RTTN: variants seen among roughly 807,000 people sequenced by gnomAD.
RTTN encodes rotatin.
A neutral mutation model predicts 269.2 loss-of-function variants in RTTN; 182 were observed. That is an observed-to-expected ratio of 0.68 (90% CI 0.60 to 0.76). The LOEUF (loss-of-function observed/expected upper bound fraction) is 0.76. RTTN is among the 30% of genes least tolerant of loss of function. RTTN has a pLI of 0.00. For missense variants in RTTN, 2,545 were observed against 2,608.6 expected (o/e 0.98, Z 0.53); for synonymous variants, 1,006 against 963.5 (o/e 1.04, Z -0.82).
intron 10 of RTTN, among the ~76,000 whole-genome samples, chr18:70,186,496 G>A (rs1047386274): frequency 6.6e-6 from 1 of 152,150 alleles, no homozygotes; most frequent in Non-Finnish European, 1.5e-5. Flanking sequence ...GCTCGCACCT[G>A]TAATTCTAGC....
chr18:70,149,741 T>C (rs555988000), intron 16 of RTTN, among the ~76,000 whole-genome samples: 7 of 152,192 alleles, frequency 4.6e-5, no homozygotes, highest in African/African-American at 1.4e-4. Context: ...CCTCACTTTT[T>C]AACCTCCCAC....
At chr18:70,033,076 C>T (rs146595736) in intron 40 of RTTN, among the ~76,000 whole-genome samples, 7 of 152,324 alleles carry the variant, frequency 4.6e-5, no homozygotes, top group Admixed American at 1.3e-4. Context: ...TGGTTTAGCA[C>T]CGTCCCTTTG....
intron 26 of RTTN, among the ~76,000 whole-genome samples, chr18:70,115,218 T>C (rs1464589322): frequency 6.6e-6 from 1 of 151,936 alleles, no homozygotes; most frequent in Admixed American, 6.6e-5. Context: ...TATTGCCAAA[T>C]TGTCCCTGTA....
intron 27 of RTTN, among the ~76,000 whole-genome samples, chr18:70,112,947 C>T (rs4485471): frequency 0.83 from 125,604 of 152,094 alleles, 55,224 homozygotes; most frequent in East Asian, 1. Context: ...TGCAAAAGAA[C>T]GCAAATCATA....
intron 40 of RTTN, among the ~76,000 whole-genome samples, chr18:70,037,880 T>C (rs965335076): frequency 1.3e-5 from 2 of 152,164 alleles, no homozygotes; most frequent in Admixed American, 6.5e-5. Flanking sequence ...GGGGAACTGA[T>C]TGTCCTGAAG....
At chr18:70,080,960 ACACACACACACACT>A (rs2058551689) in intron 32 of RTTN, among the ~76,000 whole-genome samples, 1 of 149,308 alleles carries the variant, frequency 6.7e-6, no homozygotes, top group Non-Finnish European at 1.5e-5. Context: ...ACACACACAC[ACACACACACACACT>A]ATGGAATACT....
chr18:70,067,348 G>A (rs1363800581), intron 34 of RTTN, among the ~76,000 whole-genome samples: 5 of 151,948 alleles, frequency 3.3e-5, no homozygotes, highest in East Asian at 1.9e-4. Context: ...TTTAGTAGAG[G>A]CAGGGTTTCA....
intron 40 of RTTN, among the ~76,000 whole-genome samples, chr18:70,033,244 G>A (rs930468427): frequency 2.6e-5 from 4 of 152,190 alleles, no homozygotes; most frequent in Non-Finnish European, 4.4e-5. Flanking sequence ...AAGCTGAGTA[G>A]ATGCCAGCAC....
At chr18:70,162,518 A>C (rs1447196114) in intron 14 of RTTN, among the ~76,000 whole-genome samples, 2 of 152,202 alleles carry the variant, frequency 1.3e-5, no homozygotes, top group Admixed American at 6.5e-5. Context: ...ACCTCTTCAC[A>C]GGGCGGCAGG....
intron 44 of RTTN, among the ~76,000 whole-genome samples, chr18:70,022,329 A>T (rs1402711072): frequency 2.0e-5 from 3 of 151,810 alleles, no homozygotes; most frequent in Admixed American, 2.0e-4. Flanking sequence ...CTAAATCCAC[A>T]TCCTTCCTCT....
At chr18:70,205,595 G>T in intron 1 of RTTN, 33 bp downstream of exon 1, 1 of 1,613,712 alleles carries the variant, frequency 6.2e-7, no homozygotes, top group South Asian at 1.1e-5. Context: ...GAGCGCGGGG[G>T]GTGCCTTGGG....
At chr18:70,083,590 A>C (rs1417619263) in intron 32 of RTTN, among the ~76,000 whole-genome samples, 1 of 152,202 alleles carries the variant, frequency 6.6e-6, no homozygotes. Context: ...TGGGAATTGC[A>C]GTGGTTGGTA....
chr18:70,092,590 C>T, intron 29 of RTTN, 86 bp downstream of exon 29: 1 of 1,453,686 alleles, frequency 6.9e-7, no homozygotes, highest in Non-Finnish European at 9.3e-7. Flanking sequence ...TTTCATGTGG[C>T]AAGTTTATAT....
intron 10 of RTTN, among the ~76,000 whole-genome samples, chr18:70,180,732 G>A (rs1337237170): frequency 6.6e-6 from 1 of 152,178 alleles, no homozygotes; most frequent in East Asian, 1.9e-4. Flanking sequence ...CCTCAGTTAT[G>A]GAGTTTGCAG....
intron 40 of RTTN, among the ~76,000 whole-genome samples, chr18:70,045,268 G>A (rs1035900295): frequency 2.0e-5 from 3 of 152,156 alleles, no homozygotes; most frequent in Non-Finnish European, 2.9e-5. Flanking sequence ...AGATTTTAGA[G>A]GCAGCTGAAA....
chr18:70,052,628 T>C (rs916010964), intron 38 of RTTN, among the ~76,000 whole-genome samples: 1 of 99,812 alleles, frequency 1.0e-5, no homozygotes, highest in African/African-American at 2.7e-5. Context: ...TAACTTTTCA[T>C]GTAATTTATT....
chr18:70,024,598 T>C (rs1452080361), intron 44 of RTTN, 124 bp downstream of exon 44: 2 of 884,838 alleles, frequency 2.3e-6, no homozygotes, highest in Non-Finnish European at 3.5e-6. Flanking sequence ...CCTTTGCCCA[T>C]CATATCCTCA....
At chr18:70,110,692 G>C (rs776320694) in intron 27 of RTTN, among the ~76,000 whole-genome samples, 43 of 152,302 alleles carry the variant, frequency 2.8e-4, no homozygotes, top group Non-Finnish European at 4.9e-4. Context: ...GTGGCGCCTG[G>C]AACAGCAGCG....
chr18:70,197,588 A>T, intron 6 of RTTN, 36 bp downstream of exon 6: 1 of 1,342,384 alleles, frequency 7.4e-7, no homozygotes, highest in Non-Finnish European at 1.1e-6. Flanking sequence ...AAAGTTCTCT[A>T]GTTCAAAATC....
Sources: allele counts gnomAD v4.1 joint callset (sites outside exome capture counted in the v4.1 genomes callset), GRCh38; gene constraint gnomAD v4.1.1; transcripts MANE v1.5; gene names NCBI Gene and HGNC (gene_info 2026-07-23, HGNC 2026-07-21).